Variants in IGBP1C observed in about 807,000 individuals in gnomAD.
The protein encoded by IGBP1C is IGBP1 family member C.
At chr17:58,683,373 C>T in the IGBP1C span, among the ~76,000 whole-genome samples, 32 of 148,206 alleles carry the variant, frequency 2.2e-4, no homozygotes, top group East Asian at 2.6e-3. Context: ...ACTCCATCCC[C>T]CCCCCCAAAA....
chr17:58,679,379 G>A, the IGBP1C span: 1 of 152,020 alleles, frequency 6.6e-6, no homozygotes, highest in Admixed American at 6.6e-5. Context: ...AACCACGAGG[G>A]GTGTGAGACC....
At chr17:58,665,850 G>A in the IGBP1C span, among the ~76,000 whole-genome samples, 2 of 151,798 alleles carry the variant, frequency 1.3e-5, no homozygotes, top group Non-Finnish European at 2.9e-5. Context: ...GTTCAAGACC[G>A]GCCTGACCAA....
the IGBP1C span, among the ~76,000 whole-genome samples, chr17:58,663,034 G>A: frequency 4.0e-5 from 6 of 151,844 alleles, no homozygotes; most frequent in African/African-American, 9.7e-5. Flanking sequence ...GTGTGAACCC[G>A]GGAGGCAGAG....
chr17:58,660,680 T>C, the IGBP1C span: 1 of 782,950 alleles, frequency 1.3e-6, no homozygotes, highest in Non-Finnish European at 2.4e-6. Flanking sequence ...CTCTTCCTCC[T>C]TTTCTTGATC....
chr17:58,685,743 G>A, the IGBP1C span, among the ~76,000 whole-genome samples: 1 of 151,760 alleles, frequency 6.6e-6, no homozygotes, highest in East Asian at 1.9e-4. Flanking sequence ...TGTAATCCCA[G>A]CAGTTTGGGA....
At chr17:58,679,847 T>C in the IGBP1C span, among the ~76,000 whole-genome samples, 1,375 of 152,238 alleles carry the variant, frequency 9.0e-3, 23 homozygotes, top group African/African-American at 0.031. Context: ...TATCTGGCTA[T>C]TCAAAATCTT....
chr17:58,668,185 T>C, the IGBP1C span, among the ~76,000 whole-genome samples: 1 of 152,194 alleles, frequency 6.6e-6, no homozygotes, highest in Admixed American at 6.5e-5. Flanking sequence ...TTGGTAATTT[T>C]CTAACCACTG....
At chr17:58,681,093 C>A in the IGBP1C span, among the ~76,000 whole-genome samples, 1 of 151,888 alleles carries the variant, frequency 6.6e-6, no homozygotes, top group East Asian at 1.9e-4. Flanking sequence ...ACCAGCCTGG[C>A]CAACATGGCG....
At chr17:58,661,121 T>A in the IGBP1C span, 9 of 895,888 alleles carry the variant, frequency 1.0e-5, no homozygotes, top group South Asian at 7.8e-5. Context: ...TCGCTCTATT[T>A]TAGCCTGTCT....
chr17:58,671,006 G>A, the IGBP1C span, among the ~76,000 whole-genome samples: 2 of 151,948 alleles, frequency 1.3e-5, no homozygotes, highest in Admixed American at 6.6e-5. Flanking sequence ...TCCAAATATT[G>A]CTTCCACTCC....
At chr17:58,690,199 C>T in the IGBP1C span, among the ~76,000 whole-genome samples, 3 of 151,900 alleles carry the variant, frequency 2.0e-5, no homozygotes, top group African/African-American at 7.3e-5. Context: ...TGGAGTCTCG[C>T]TCTGTCGCCC....
the IGBP1C span, among the ~76,000 whole-genome samples, chr17:58,690,402 G>A: frequency 1.3e-5 from 2 of 152,124 alleles, no homozygotes. Flanking sequence ...CTGAGATCAA[G>A]CGATGTGCCC....
At chr17:58,661,193 G>A in the IGBP1C span, 1 of 799,952 alleles carries the variant, frequency 1.3e-6, no homozygotes, top group Non-Finnish European at 2.3e-6. Context: ...GTGATTTTCA[G>A]CTGAGTTGGT....
the IGBP1C span, among the ~76,000 whole-genome samples, chr17:58,681,008 G>A: frequency 2.6e-5 from 4 of 152,122 alleles, no homozygotes; most frequent in Non-Finnish European, 5.9e-5. Context: ...TGGGCCAGGT[G>A]CAGTGGCTCA....
At chr17:58,666,453 C>G in the IGBP1C span, 1 of 108,404 alleles carries the variant, frequency 9.2e-6, no homozygotes, top group Non-Finnish European at 1.8e-5. Flanking sequence ...ACAAACCTTC[C>G]ACGGCAAAAA....
At chr17:58,684,477 T>A in the IGBP1C span, among the ~76,000 whole-genome samples, 2 of 145,248 alleles carry the variant, frequency 1.4e-5, no homozygotes, top group African/African-American at 5.1e-5. Flanking sequence ...AAAAAAAAAA[T>A]TGCTTCCATA....
the IGBP1C span, among the ~76,000 whole-genome samples, chr17:58,683,538 G>A: frequency 1.9e-4 from 29 of 151,874 alleles, no homozygotes; most frequent in Non-Finnish European, 3.7e-4. Flanking sequence ...TGAGGCAGGC[G>A]GATAACCTGA....
chr17:58,671,191 C>T, the IGBP1C span, among the ~76,000 whole-genome samples: 1 of 152,160 alleles, frequency 6.6e-6, no homozygotes, highest in African/African-American at 2.4e-5. Context: ...AACCCATTCA[C>T]TAAGATTATT....
the IGBP1C span, chr17:58,661,495 G>C: frequency 1.3e-6 from 1 of 781,148 alleles, no homozygotes; most frequent in Non-Finnish European, 2.4e-6. Context: ...TTCGGGAACC[G>C]GTGGGTTCAG....
Sources: gnomAD v4.1 joint callset for allele counts (sites outside exome capture counted in the v4.1 genomes callset) on GRCh38, gnomAD v4.1.1 for gene constraint, MANE v1.5 for transcripts, NCBI Gene and HGNC (gene_info 2026-07-23, HGNC 2026-07-21) for gene names.